RUFY3: variants seen among roughly 807,000 people sequenced by gnomAD.
RUFY3 encodes protein RUFY3.
A neutral mutation model predicts 84.0 loss-of-function variants in RUFY3; 34 were observed. That is an observed-to-expected ratio of 0.40 (90% CI 0.31 to 0.54). The LOEUF (loss-of-function observed/expected upper bound fraction) is 0.54. Among genes scored for constraint, RUFY3 ranks in the 20% least tolerant of loss-of-function variants. The probability of loss-of-function intolerance (pLI) is 0.39; values close to 1 mark genes in which losing one functional copy is unlikely to be tolerated. For missense variants in RUFY3, 507 were observed against 736.8 expected (o/e 0.69, Z 3.61); for synonymous variants, 242 against 252.9 (o/e 0.96, Z 0.41).
intron 1 of RUFY3, among the ~76,000 whole-genome samples, chr4:70,742,194 G>A (rs1389513837): frequency 6.6e-5 from 10 of 152,118 alleles, no homozygotes. Flanking sequence ...ACATGGAATG[G>A]TGTGATTATC....
rs150405409 is a variant in RUFY3, at chr4:70,748,038, A to G, written c.179-14481A>G. 1.8e-3 allele frequency among the ~76,000 whole-genome samples: 275 copies of G among 152,126 alleles called. 1 individual carries two copies. Among genetic ancestry groups the G allele is most frequent in the African/African-American group, 6.4e-3 (264 of 41,486 alleles). On this transcript the variant is annotated intron_variant, in intron 1 of 17. Coordinates refer to ENST00000381006, the MANE Select transcript of RUFY3 (RefSeq NM_001037442.4). ...CCCCTTCATTTCCTTTATCTTTTCT[A>G]TGACTATCTGAACTTGAATCACTAC...
rs116225703 is a variant in RUFY3 at position 70,767,525 on chromosome 4, A to T, written c.573-1013A>T. ...GAGTAAAACTGCTATAAACACATGT[A>T]TGCAGGTTTTTGTGTGGACGTAAGT... On this transcript the variant is annotated intron_variant, in intron 4 of 17. Coordinates refer to ENST00000381006, the MANE Select transcript of RUFY3 (RefSeq NM_001037442.4). 3.0e-3 allele frequency among the ~76,000 whole-genome samples: 456 copies of T among 152,158 alleles called. 2 individuals are homozygous for T. The highest frequency in any genetic ancestry group is 0.011 in the African/African-American group (441 of 41,528).
At chr4:70,737,541 G>T (rs1286873035) in intron 1 of RUFY3, among the ~76,000 whole-genome samples, 1 of 152,108 alleles carries the variant, frequency 6.6e-6, no homozygotes, top group Non-Finnish European at 1.5e-5. Context: ...AGAGCAAAGG[G>T]TCTACTGGTC....
At chr4:70,705,389 G>A in intron 1 of RUFY3, 1 of 915,464 alleles carries the variant, frequency 1.1e-6, no homozygotes, top group Non-Finnish European at 1.5e-6. Context: ...CCTCCCGCGG[G>A]GTGACCCGAG....
At chr4:70,716,881 C>T (rs1165427043) in intron 1 of RUFY3, among the ~76,000 whole-genome samples, 2 of 148,400 alleles carry the variant, frequency 1.3e-5, no homozygotes, top group African/African-American at 4.9e-5. Flanking sequence ...AGAAAAAATA[C>T]GCATTGAGTG....
intron 2 of RUFY3, 85 bp downstream of exon 2, chr4:70,762,777 CAAA>C: frequency 8.6e-7 from 1 of 1,158,812 alleles, no homozygotes; most frequent in Admixed American, 2.4e-5. Flanking sequence ...TTTGTGGAGC[CAAA>C]GAATAAGAGG....
chr4:70,778,311 A>T, intron 7 of RUFY3, 58 bp from the exon 8 acceptor site: 1 of 785,204 alleles, frequency 1.3e-6, no homozygotes, highest in Admixed American at 2.2e-5. Flanking sequence ...TTAAAAAGGA[A>T]GGTACAGAGT....
In RUFY3 at chr4:70,722,173, T is replaced by C. The variant is rs1742378396; in HGVS notation, c.-401T>C. On this transcript the variant is annotated 5_prime_UTR_variant, in exon 1 of 18. Coordinates refer to ENST00000381006, the MANE Select transcript of RUFY3 (RefSeq NM_001037442.4). ...TTTCTGCACAAAGGAGGAGGATTTT[T>C]CACTTACTCATATCGAGGCCAGATT... 8.1e-7 allele frequency: 1 copy of C among 1,231,166 alleles called. No homozygotes were observed. The highest frequency in any genetic ancestry group is 1.0e-6 in the Non-Finnish European group (1 of 987,804). The allele number at this position is 1,231,166 out of a possible 1,614,324, so 76.3% of individuals were successfully genotyped here. A position where few individuals can be genotyped will look rare whatever the true frequency, so the allele number is the denominator to read the frequency against.
chr4:70,763,503 C>T (rs1358185855), intron 2 of RUFY3, 49 bp from the exon 3 acceptor site: 1 of 1,460,880 alleles, frequency 6.8e-7, no homozygotes, highest in South Asian at 1.2e-5. Flanking sequence ...TGAGAGTGCG[C>T]TTATGTTGTA....
intron 15 of RUFY3, among the ~76,000 whole-genome samples, chr4:70,800,665 C>T (rs898002936): frequency 6.6e-6 from 1 of 152,180 alleles, no homozygotes; most frequent in African/African-American, 2.4e-5. Flanking sequence ...AGGTGGATCA[C>T]CTGAGATTAG....
At chr4:70,738,728 A>AATTTT (rs960813477) in intron 1 of RUFY3, among the ~76,000 whole-genome samples, 1 of 150,908 alleles carries the variant, frequency 6.6e-6, no homozygotes, top group Non-Finnish European at 1.5e-5. Context: ...ATGCTCAATA[A>AATTTT]ATTTTATTTT....
At chr4:70,735,858 G>C (rs1720189031) in intron 1 of RUFY3, among the ~76,000 whole-genome samples, 1 of 151,988 alleles carries the variant, frequency 6.6e-6, no homozygotes, top group Non-Finnish European at 1.5e-5. Flanking sequence ...CATGGTGGCG[G>C]ATACTTGCAA....
At chr4:70,769,275 A>C (rs553991818) in intron 5 of RUFY3, among the ~76,000 whole-genome samples, 3 of 152,294 alleles carry the variant, frequency 2.0e-5, no homozygotes, top group African/African-American at 7.2e-5. Context: ...ATAGTTAGCC[A>C]TAATTGTGCA....
At chr4:70,745,763 T>C (rs1722096612) in intron 1 of RUFY3, among the ~76,000 whole-genome samples, 2 of 152,130 alleles carry the variant, frequency 1.3e-5, no homozygotes, top group Non-Finnish European at 2.9e-5. Flanking sequence ...TGCCACATCG[T>C]CATTCAATAA....
At chr4:70,796,941 CTTTTCTTTTT>C (rs759342344) in intron 14 of RUFY3, among the ~76,000 whole-genome samples, 2,276 of 147,170 alleles carry the variant, frequency 0.015, 28 homozygotes, top group Middle Eastern at 0.045. Context: ...CTTTTCTTTT[CTTTTCTTTTT>C]TTTTTTTTTG....
At chr4:70,743,346 A>C (rs151174575) in intron 1 of RUFY3, among the ~76,000 whole-genome samples, 3 of 152,140 alleles carry the variant, frequency 2.0e-5, no homozygotes, top group African/African-American at 7.2e-5. Context: ...TGCTGGGATT[A>C]CAAGTGTGAA....
chr4:70,753,397 AATCTT>A (rs1167495800), intron 1 of RUFY3, among the ~76,000 whole-genome samples: 1 of 152,172 alleles, frequency 6.6e-6, no homozygotes, highest in East Asian at 1.9e-4. Context: ...TTTCTGATCT[AATCTT>A]TATTATTTCC....
At chr4:70,731,766 C>T (rs912309484) in intron 1 of RUFY3, among the ~76,000 whole-genome samples, 1 of 152,088 alleles carries the variant, frequency 6.6e-6, no homozygotes, top group African/African-American at 2.4e-5. Flanking sequence ...CAGGGTTTTG[C>T]CATGTTGGCC....
At chr4:70,724,598 G>A (rs1044900322) in intron 1 of RUFY3, among the ~76,000 whole-genome samples, 5 of 152,160 alleles carry the variant, frequency 3.3e-5, no homozygotes, top group Non-Finnish European at 5.9e-5. Context: ...GCTGATTAAA[G>A]AAATCAGATA....
Sources: allele counts gnomAD v4.1 joint callset (sites outside exome capture counted in the v4.1 genomes callset), GRCh38; gene constraint gnomAD v4.1.1; transcripts MANE v1.5; gene names NCBI Gene and HGNC (gene_info 2026-07-23, HGNC 2026-07-21).